THRB: variants seen among roughly 807,000 people sequenced by gnomAD.
The protein encoded by THRB is nuclear receptor subfamily 1 group A member 2.
A neutral mutation model predicts 47.8 loss-of-function variants in THRB; 12 were observed. The observed-to-expected ratio is 0.25, with a 90% CI of 0.16 to 0.41. The LOEUF is 0.41. THRB is among the 10% of genes least tolerant of loss of function. The pLI, the probability that THRB is intolerant of heterozygous loss-of-function variation, is 1.00. For missense variants in THRB, 348 were observed against 589.2 expected (o/e 0.59, Z 4.24); for synonymous variants, 218 against 212.2 (o/e 1.03, Z -0.24).
intron 1 of THRB, among the ~76,000 whole-genome samples, chr3:24,460,097 A>G (rs59805111): frequency 0.013 from 2,018 of 152,210 alleles, 32 homozygotes; most frequent in African/African-American, 0.041. Flanking sequence ...TTATTATTCT[A>G]TGCTCATTAA....
intron 3 of THRB, among the ~76,000 whole-genome samples, chr3:24,275,591 G>A (rs1351830128): frequency 1.3e-5 from 2 of 152,192 alleles, no homozygotes; most frequent in African/African-American, 2.4e-5. Flanking sequence ...CACTGTTTTG[G>A]GGGGCCATAC....
chr3:24,356,073 T>C (rs2063654745), intron 1 of THRB, among the ~76,000 whole-genome samples: 1 of 152,036 alleles, frequency 6.6e-6, no homozygotes. Context: ...GCTTCCAAAA[T>C]TCAATGGTGA....
intron 1 of THRB, among the ~76,000 whole-genome samples, chr3:24,465,996 G>A (rs1467721514): frequency 6.6e-6 from 1 of 152,066 alleles, no homozygotes; most frequent in South Asian, 2.1e-4. Context: ...TGAGAAGGGA[G>A]TCTTTACCTC....
chr3:24,331,272 G>T (rs914464781), intron 2 of THRB, among the ~76,000 whole-genome samples: 1 of 151,726 alleles, frequency 6.6e-6, no homozygotes, highest in Non-Finnish European at 1.5e-5. Context: ...AAAAATTAAA[G>T]ACAAAAAGAA....
chr3:24,401,256 G>C (rs1166033441), intron 1 of THRB, among the ~76,000 whole-genome samples: 1 of 151,964 alleles, frequency 6.6e-6, no homozygotes, highest in African/African-American at 2.4e-5. Context: ...AAAATGGCTG[G>C]GCTAAAGCTA....
intron 5 of THRB, among the ~76,000 whole-genome samples, chr3:24,186,190 T>C (rs140196706): frequency 5.9e-4 from 90 of 152,196 alleles, no homozygotes; most frequent in Admixed American, 1.4e-3. Context: ...GGCAAGAACA[T>C]AGAAGGCTGG....
At chr3:24,398,442 G>C (rs1022131920) in intron 1 of THRB, among the ~76,000 whole-genome samples, 2 of 152,146 alleles carry the variant, frequency 1.3e-5, no homozygotes, top group Admixed American at 1.3e-4. Flanking sequence ...CTTTTCAAAG[G>C]AAGACACTTA....
chr3:24,481,143 T>C (rs901558651), intron 1 of THRB, among the ~76,000 whole-genome samples: 1 of 152,024 alleles, frequency 6.6e-6, no homozygotes, highest in Non-Finnish European at 1.5e-5. Context: ...AACATCCACT[T>C]TGGGGCCATG....
intron 1 of THRB, among the ~76,000 whole-genome samples, chr3:24,358,816 A>G (rs995485544): frequency 3.9e-5 from 6 of 152,174 alleles, no homozygotes; most frequent in Admixed American, 2.0e-4. Flanking sequence ...CACTGTCAAA[A>G]CATTCCCTTA....
chr3:24,264,811 G>A (rs826230), intron 3 of THRB, among the ~76,000 whole-genome samples: 134,483 of 151,398 alleles, frequency 0.89, 60,177 homozygotes, highest in African/African-American at 0.97. Flanking sequence ...AAAAAAAACT[G>A]GACTTTGTGC....
chr3:24,236,671 T>C (rs971323069), intron 3 of THRB, among the ~76,000 whole-genome samples: 74 of 152,312 alleles, frequency 4.9e-4, no homozygotes, highest in African/African-American at 1.7e-3. Context: ...CCTGCCATTT[T>C]CCTCTTGCAA....
intron 3 of THRB, among the ~76,000 whole-genome samples, chr3:24,238,836 T>A (rs1168041828): frequency 6.6e-6 from 1 of 152,132 alleles, no homozygotes; most frequent in African/African-American, 2.4e-5. Flanking sequence ...TATAACTGTT[T>A]ACTACTTCTT....
At chr3:24,472,412 C>G (rs144068667) in intron 1 of THRB, among the ~76,000 whole-genome samples, 141 of 152,298 alleles carry the variant, frequency 9.3e-4, no homozygotes, top group Non-Finnish European at 1.6e-3. Flanking sequence ...GTAACTTCTG[C>G]AAGAATCCCC....
chr3:24,127,208 C>T (rs1171782752), intron 10 of THRB, among the ~76,000 whole-genome samples: 1 of 152,164 alleles, frequency 6.6e-6, no homozygotes, highest in Admixed American at 6.5e-5. Flanking sequence ...GCAGGTTTGG[C>T]CAAAGACTAC....
chr3:24,357,368 A>C (rs540849660), intron 1 of THRB, among the ~76,000 whole-genome samples: 1,963 of 145,628 alleles, frequency 0.013, 22 homozygotes, highest in South Asian at 0.029. Flanking sequence ...AAAAAAAAAA[A>C]AAAAAACAAA....
In THRB at chr3:24,190,134, C is replaced by T; in HGVS notation, c.223G>A (p.Val75Met). ...GCACTTGAGACACTCTGGTCGTTCA[C>T]ATCATCATGGTCCAGATGGAATATT... ...SSIFHLDHDD[V>M]NDQSVSSAQT... is the part of the protein sequence containing the mutation. Residue 75 changes from valine to methionine, a missense_variant, in exon 5 of 11, where the codon GTG (valine) becomes ATG (methionine). By Grantham distance (21) the Val-to-Met change is conservative (BLOSUM62 1). This residue lies in a region of THRB where 148 missense variants were observed against 122.3 expected (regional missense o/e 1.21). Coordinates refer to ENST00000646209, the MANE Select transcript of THRB (RefSeq NM_001354712.2). 1 of 1,614,104 alleles carries T rather than the reference C, an allele frequency of 6.2e-7. No individual in the cohort carries two copies.
chr3:24,310,835 C>T lies in THRB; in HGVS notation c.-188-13464G>A, dbSNP rs2057707999. On this transcript the variant is annotated intron_variant, in intron 2 of 10. Transcript: ENST00000646209. Reference sequence around the variant, plus strand: ...TCCCCACCACAAATAATTATCTGGTCCAAAATGTCAATAGTGCTGCTGTTC... The same window carrying T: ...TCCCCACCACAAATAATTATCTGGTTCAAAATGTCAATAGTGCTGCTGTTC... Among the ~76,000 whole-genome samples, 2 of 152,058 alleles carry T rather than the reference C, an allele frequency of 1.3e-5. 1 individual carries two copies. The highest frequency in any genetic ancestry group is 1.3e-4 in the Admixed American group (2 of 15,258).
chr3:24,352,580 A>T (rs2063421623), intron 1 of THRB, among the ~76,000 whole-genome samples: 1 of 152,198 alleles, frequency 6.6e-6, no homozygotes, highest in Non-Finnish European at 1.5e-5. Context: ...AGCAGCCTGC[A>T]AATTTCAAAC....
At chr3:24,207,394 C>G (rs1244857934) in intron 4 of THRB, among the ~76,000 whole-genome samples, 1 of 152,136 alleles carries the variant, frequency 6.6e-6, no homozygotes, top group Non-Finnish European at 1.5e-5. Context: ...ATGACAAAAA[C>G]CACATGATTA....
Sources: gnomAD v4.1 joint callset for allele counts (sites outside exome capture counted in the v4.1 genomes callset) on GRCh38, gnomAD v4.1.1 for gene constraint, gnomAD v4.1.1 regional missense constraint, MANE v1.5 for transcripts, NCBI Gene and HGNC (gene_info 2026-07-23, HGNC 2026-07-21) for gene names.